EDEM3: variants seen among roughly 807,000 people sequenced by gnomAD.
EDEM3 encodes the protein ER degradation-enhancing alpha-mannosidase-like protein 3.
Under a neutral mutation model 110.2 loss-of-function variants are expected in EDEM3, and 60 were observed. The ratio of observed to expected loss-of-function variants is 0.54; its 90% CI spans 0.44 to 0.67. The LOEUF is 0.67. EDEM3 is among the 30% of genes least tolerant of loss of function. The pLI, the probability that EDEM3 is intolerant of heterozygous loss-of-function variation, is 0.00. For synonymous variants in EDEM3, 352 were observed against 382.9 expected (o/e 0.92, Z 0.94); for missense variants, 996 against 1,121.0 (o/e 0.89, Z 1.59).
chr1:184,732,029 A>G (rs879672122), intron 6 of EDEM3, among the ~76,000 whole-genome samples: 2 of 152,074 alleles, frequency 1.3e-5, no homozygotes, highest in Non-Finnish European at 2.9e-5. Flanking sequence ...ACAAAAAATT[A>G]GCCGGTCGTG....
chr1:184,703,022 C>T, intron 18 of EDEM3, 26 bp from the exon 19 acceptor site: 1 of 1,538,698 alleles, frequency 6.5e-7, no homozygotes, highest in Non-Finnish European at 8.8e-7. Context: ...ATACAGCAAA[C>T]ATCAAAATAT....
chr1:184,698,597 T>C (rs10489697), intron 19 of EDEM3, among the ~76,000 whole-genome samples: 11,294 of 151,936 alleles, frequency 0.074, 502 homozygotes, highest in African/African-American at 0.13. Context: ...ACTGCTAACA[T>C]TGGTTGGTTA....
At chr1:184,736,769 G>T (rs1651847190) in intron 4 of EDEM3, among the ~76,000 whole-genome samples, 1 of 151,926 alleles carries the variant, frequency 6.6e-6, no homozygotes, top group African/African-American at 2.4e-5. Context: ...CCAAAGGGGG[G>T]AAAAAAGGAC....
intron 4 of EDEM3, 45 bp from the exon 5 acceptor site, chr1:184,734,688 A>G: frequency 1.4e-6 from 1 of 715,270 alleles, no homozygotes; most frequent in East Asian, 3.3e-5. Context: ...CTACCAAGAC[A>G]AGGAGAAACG....
At chr1:184,720,295 A>C (rs550957546) in intron 9 of EDEM3, among the ~76,000 whole-genome samples, 2 of 151,978 alleles carry the variant, frequency 1.3e-5, no homozygotes, top group South Asian at 4.1e-4. Context: ...TTTACCTATT[A>C]TTTAATCACT....
chr1:184,693,819 G>T lies in EDEM3; in HGVS notation c.*244C>A. Reference sequence around the variant, plus strand: ...TCCCTGGCCTGAGGTGTTGCAGGGTGGTGCAGTGCTGCATTTGAAGGGGGA... The same window carrying T: ...TCCCTGGCCTGAGGTGTTGCAGGGTTGTGCAGTGCTGCATTTGAAGGGGGA... On this transcript the variant is annotated 3_prime_UTR_variant, in exon 20 of 20. Transcript: ENST00000318130. 2.4e-6 allele frequency: 1 copy of T among 422,472 alleles called. No individual in the cohort carries two copies. The highest frequency in any genetic ancestry group is 4.8e-5 in the South Asian group (1 of 20,976). 26.2% of individuals were successfully genotyped at this position (422,472 alleles called of 1,614,324 possible). A position where few individuals can be genotyped will look rare whatever the true frequency, so the allele number is the denominator to read the frequency against.
At position 184,690,720 on chromosome 1, in the gene EDEM3, T is replaced by C. The variant is rs1649025962; in HGVS notation, c.*3343A>G. ...GACATCTTTTTCATAAATTACATCA[T>C]AAGAAAATATACGGCTGTAAATTGG... On this transcript the variant is annotated 3_prime_UTR_variant, in exon 20 of 20. Transcript: ENST00000318130. The C allele has an allele frequency of 6.6e-6, 1 of 152,462 alleles. No individual in the cohort carries two copies. The highest frequency in any genetic ancestry group is 2.4e-5 in the African/African-American group (1 of 41,416). 9.4% of individuals were successfully genotyped at this position (152,462 alleles called of 1,614,324 possible).
At chr1:184,738,261 T>C (rs914058617) in intron 2 of EDEM3, among the ~76,000 whole-genome samples, 1 of 152,204 alleles carries the variant, frequency 6.6e-6, no homozygotes, top group Non-Finnish European at 1.5e-5. Flanking sequence ...CACAATGCTC[T>C]GAAGTAGATT....
intron 2 of EDEM3, among the ~76,000 whole-genome samples, chr1:184,744,383 C>T (rs1238083142): frequency 6.7e-6 from 1 of 150,214 alleles, no homozygotes; most frequent in East Asian, 1.9e-4. Context: ...CCACTATACA[C>T]CCAACAGAAT....
chr1:184,717,298 T>C (rs1650605844), intron 12 of EDEM3, among the ~76,000 whole-genome samples: 2 of 152,070 alleles, frequency 1.3e-5, no homozygotes, highest in South Asian at 4.1e-4. Context: ...AAAGCAGCTC[T>C]AGAACATAAA....
chr1:184,692,696 A>G lies in EDEM3; in HGVS notation c.*1367T>C, dbSNP rs1357962046. 6.6e-6 allele frequency: 1 copy of G among 151,568 alleles called. No homozygotes were observed. Among genetic ancestry groups the G allele is most frequent in the Non-Finnish European group, 1.5e-5 (1 of 67,828 alleles). The allele number at this position is 151,568 out of a possible 1,614,324, so 9.4% of individuals were successfully genotyped here. ...AAATGAATAAAGCCATGATTTCAAC[A>G]ACAGGGCTGTCTACAAACATCAACA... On this transcript the variant is annotated 3_prime_UTR_variant, in exon 20 of 20. Coordinates refer to ENST00000318130, the MANE Select transcript of EDEM3 (RefSeq NM_025191.4).
At chr1:184,735,608 A>G (rs956017728) in intron 4 of EDEM3, among the ~76,000 whole-genome samples, 1 of 152,246 alleles carries the variant, frequency 6.6e-6, no homozygotes, top group East Asian at 1.9e-4. Flanking sequence ...ATTCTAATTT[A>G]TAAAACATTC....
At chr1:184,722,873 A>T (rs1477188263) in intron 8 of EDEM3, among the ~76,000 whole-genome samples, 1 of 151,942 alleles carries the variant, frequency 6.6e-6, no homozygotes, top group Non-Finnish European at 1.5e-5. Flanking sequence ...GGTGTTTTAT[A>T]AAGATAAAAT....
intron 11 of EDEM3, 82 bp from the exon 12 acceptor site, chr1:184,717,705 T>A: frequency 1.0e-6 from 1 of 969,802 alleles, no homozygotes; most frequent in Non-Finnish European, 1.5e-6. Context: ...TATATATAAA[T>A]AGGTAAAAGC....
intron 19 of EDEM3, among the ~76,000 whole-genome samples, chr1:184,696,409 A>G (rs1472331421): frequency 6.6e-6 from 1 of 151,802 alleles, no homozygotes; most frequent in Non-Finnish European, 1.5e-5. Context: ...TAAAATTATT[A>G]TGCTTTTCTG....
At position 184,743,375 on chromosome 1, in the gene EDEM3, G is replaced by C. The variant is rs186214895; in HGVS notation, c.205-5664C>G. On this transcript the variant is annotated intron_variant, in intron 2 of 19. Coordinates refer to ENST00000318130, the MANE Select transcript of EDEM3 (RefSeq NM_025191.4). ...ACGTAATTCATATTGATATGACTCA[G>C]AGCCATGAGAAACATTTAATAATTA... 1.5e-3 allele frequency among the ~76,000 whole-genome samples: 221 copies of C among 152,138 alleles called. 3 individuals are homozygous for C. The highest frequency in any genetic ancestry group is 4.7e-4 in the Non-Finnish European group (32 of 67,992).
At position 184,717,589 on chromosome 1, in the gene EDEM3, T is replaced by C; in HGVS notation, c.1196A>G (p.Gln399Arg). 6.2e-7 allele frequency: 1 copy of C among 1,607,122 alleles called. No individual in the cohort carries two copies. The highest frequency in any genetic ancestry group is 2.3e-5 in the East Asian group (1 of 44,268). Residue 399 changes from glutamine (Q) to arginine (R), a missense_variant, in exon 12 of 20, where the codon CAA becomes CGA. By Grantham distance (43) the Gln-to-Arg change is conservative. Transcript: ENST00000318130. ...TGCAAATTCTGGCCTTAAAGGATGT[T>C]GAGCCCAGTGTACTCTGAAATCTGT... ...FTTDFRVHWA[Q>R]HPLRPEFAES...
chr1:184,708,443 ACTT>A (rs2102068946), intron 16 of EDEM3, 99 bp from the exon 17 acceptor site: 2 of 1,251,162 alleles, frequency 1.6e-6, no homozygotes, highest in Non-Finnish European at 1.1e-6. Flanking sequence ...CTACTCTACA[ACTT>A]CTTCTTTCAC....
At chr1:184,706,937 AT>A (rs1395579702) in intron 17 of EDEM3, 129 bp from the exon 18 acceptor site, 1 of 913,084 alleles carries the variant, frequency 1.1e-6, no homozygotes, top group East Asian at 2.7e-5. Context: ...TATCTAACAT[AT>A]AGTCACCATA....
Sources: gnomAD v4.1 joint callset for allele counts (sites outside exome capture counted in the v4.1 genomes callset) on GRCh38, gnomAD v4.1.1 for gene constraint, MANE v1.5 for transcripts, NCBI Gene and HGNC (gene_info 2026-07-23, HGNC 2026-07-21) for gene names.